The following FGF9 variants were observed in gnomAD, a reference collection of about 807,000 sequenced individuals.
FGF9 encodes the protein fibroblast growth factor 9 (glia-activating factor).
A neutral mutation model predicts 19.9 loss-of-function variants in FGF9; 3 were observed. The observed-to-expected ratio is 0.15, with a 90% confidence interval of 0.07 to 0.39. FGF9 has a LOEUF of 0.39. FGF9 is among the 10% of genes least tolerant of loss of function. FGF9 has a pLI of 1.00. For synonymous variants in FGF9, 107 were observed against 106.9 expected, an observed-to-expected ratio of 1.00 and a Z score of -0.01; for missense variants, 175 against 256.8, an observed-to-expected ratio of 0.68 and a Z score of 2.18.
In FGF9 at chr13:21,673,807, G is replaced by T. The variant is rs912552970; in HGVS notation, c.277+1618G>T. 5.3e-5 allele frequency among the ~76,000 whole-genome samples: 8 copies of T among 151,030 alleles called. No homozygotes were observed. The East Asian group carries it at 9.8e-4, about 18-fold the overall frequency. The stretch of plus-strand genomic sequence containing the variant: ...GGCGGCCGGCCTAGGTGTGCCAGGC[G>T]GCCGGAGCTCCAGCCCTCCCGCGCT... On this transcript the variant is annotated intron_variant, in intron 1 of 2. Transcript: ENST00000382353.
At chr13:21,698,901 T>A (rs1872477317) in intron 2 of FGF9, among the ~76,000 whole-genome samples, 1 of 152,168 alleles carries the variant, frequency 6.6e-6, no homozygotes, top group South Asian at 2.1e-4. Context: ...GATAAAAAAA[T>A]GCACATATTT....
intron 2 of FGF9, among the ~76,000 whole-genome samples, chr13:21,692,778 T>G (rs1168355114): frequency 1.3e-5 from 2 of 152,178 alleles, no homozygotes. Flanking sequence ...TTAAGACCCA[T>G]GACACAGCCT....
At position 21,689,734 on chromosome 13, in the gene FGF9, C is replaced by A. The variant is rs17070394; in HGVS notation, c.381+8589C>A. On this transcript the variant is annotated intron_variant, in intron 2 of 2. Transcript: ENST00000382353. ...CTGAGCAGTCTGTGTGAGGGTCTTTCTTGTCTGTGGCTTCCTGACAGTGCT... is the reference window on the plus strand; with the variant it reads ...CTGAGCAGTCTGTGTGAGGGTCTTTATTGTCTGTGGCTTCCTGACAGTGCT... 1.1e-3 allele frequency among the ~76,000 whole-genome samples: 164 copies of A among 152,318 alleles called. 1 individual carries two copies. Among genetic ancestry groups the A allele is most frequent in the African/African-American group, 3.7e-3 (154 of 41,564 alleles).
chr13:21,681,042 G>A lies in FGF9; in HGVS notation c.278G>A (p.Gly93Asp). ...TCTGCCTTCTACCCTTTGTCTACAG[G>A]CATTCTGGAATTTATCAGTATAGCA... ...QGTRKDHSRFGILEFISIAVG... is the reference protein window; with the variant it reads ...QGTRKDHSRFDILEFISIAVG... Residue 93 changes from glycine (G) to aspartate (D), a missense_variant and splice_region_variant, in exon 2 of 3, where the codon GGC becomes GAC. By Grantham distance (94) the Gly-to-Asp change is moderately conservative. This residue lies in a region of FGF9 where 101 missense variants were observed against 160.7 expected (regional missense o/e 0.63). Transcript: ENST00000382353. 1 of 1,611,058 alleles carries A rather than the reference G, an allele frequency of 6.2e-7. No homozygotes were observed. The highest frequency in any genetic ancestry group is 8.5e-7 in the Non-Finnish European group (1 of 1,177,344).
Position 21,671,096 on chromosome 13 carries a change from C to A in FGF9, c.-817C>A, listed in dbSNP as rs1458641806. Among the ~76,000 whole-genome samples the A allele has an allele frequency of 6.6e-6, 1 of 152,142 alleles. No individual in the cohort carries two copies. ...GCGCCACTCTGCGCGCCGGCGGGGGCTGCGCAGGAGGAGCGCTCCGCCCGG... is the reference window on the plus strand; with the variant it reads ...GCGCCACTCTGCGCGCCGGCGGGGGATGCGCAGGAGGAGCGCTCCGCCCGG... On this transcript the variant is annotated 5_prime_UTR_variant, in exon 1 of 3. In the 5' UTR this introduces an upstream ATG that the reference lacks. Coordinates refer to ENST00000382353, the MANE Select transcript of FGF9 (RefSeq NM_002010.3).
intron 2 of FGF9, among the ~76,000 whole-genome samples, chr13:21,686,754 T>A (rs1460144282): frequency 6.6e-6 from 1 of 152,224 alleles, no homozygotes; most frequent in Non-Finnish European, 1.5e-5. Flanking sequence ...GACCCAATTA[T>A]TCACTCCGTC....
At chr13:21,688,752 ATTT>A (rs56274891) in intron 2 of FGF9, among the ~76,000 whole-genome samples, 2 of 139,988 alleles carry the variant, frequency 1.4e-5, no homozygotes, top group African/African-American at 5.3e-5. Flanking sequence ...ATTTTGGAGG[ATTT>A]TTTTTTTTTT....
chr13:21,688,133 C>G (rs139828565), intron 2 of FGF9, among the ~76,000 whole-genome samples: 20 of 152,310 alleles, frequency 1.3e-4, no homozygotes, highest in African/African-American at 4.6e-4. Flanking sequence ...CACTTTTGAA[C>G]AAGGAGAATG....
At chr13:21,675,862 G>A (rs1235160717) in intron 1 of FGF9, among the ~76,000 whole-genome samples, 1 of 152,038 alleles carries the variant, frequency 6.6e-6, no homozygotes, top group African/African-American at 2.4e-5. Context: ...TGGGGGTGGG[G>A]GAGTCTTACT....
At chr13:21,695,270 A>G (rs1872381948) in intron 2 of FGF9, among the ~76,000 whole-genome samples, 1 of 152,158 alleles carries the variant, frequency 6.6e-6, no homozygotes, top group South Asian at 2.1e-4. Flanking sequence ...AGTTTCCTAT[A>G]TACTTTGATG....
At chr13:21,689,410 G>C (rs989132078) in intron 2 of FGF9, among the ~76,000 whole-genome samples, 1 of 151,792 alleles carries the variant, frequency 6.6e-6, no homozygotes, top group Admixed American at 6.6e-5. Context: ...AATGAATGTT[G>C]AACGAATGAA....
At chr13:21,681,203 C>A in intron 2 of FGF9, 58 bp downstream of exon 2, 1 of 1,266,004 alleles carries the variant, frequency 7.9e-7, no homozygotes, top group Non-Finnish European at 1.2e-6. Flanking sequence ...GAACAGCTGT[C>A]TTTTCTCTGG....
At chr13:21,695,083 C>CGTGTGT (rs59076902) in intron 2 of FGF9, among the ~76,000 whole-genome samples, 221 of 137,232 alleles carry the variant, frequency 1.6e-3, no homozygotes, top group East Asian at 9.6e-3. Context: ...TGTGTGTGTG[C>CGTGTGT]GTGTGTGTGT....
At chr13:21,683,236 G>T (rs1872084025) in intron 2 of FGF9, among the ~76,000 whole-genome samples, 1 of 152,208 alleles carries the variant, frequency 6.6e-6, no homozygotes, top group Non-Finnish European at 1.5e-5. Context: ...TGGTAGGATT[G>T]TTGCCCAGGC....
At chr13:21,683,217 C>A (rs1385435638) in intron 2 of FGF9, among the ~76,000 whole-genome samples, 1 of 152,196 alleles carries the variant, frequency 6.6e-6, no homozygotes, top group African/African-American at 2.4e-5. Flanking sequence ...TTGTGTTCAG[C>A]AAAGCTGCTG....
chr13:21,679,817 G>A (rs1447862287), intron 1 of FGF9, among the ~76,000 whole-genome samples: 1 of 151,400 alleles, frequency 6.6e-6, no homozygotes, highest in African/African-American at 2.4e-5. Flanking sequence ...AGCCCAGCGT[G>A]GTGGCTGTCC....
At chr13:21,675,900 A>G (rs1213546739) in intron 1 of FGF9, among the ~76,000 whole-genome samples, 3 of 148,704 alleles carry the variant, frequency 2.0e-5, no homozygotes, top group African/African-American at 7.4e-5. Context: ...AGAGGTGACA[A>G]CTTAGGTGGG....
intron 2 of FGF9, among the ~76,000 whole-genome samples, chr13:21,697,808 C>CTT (rs1270795107): frequency 7.0e-4 from 96 of 138,122 alleles, no homozygotes; most frequent in Middle Eastern, 3.8e-3. Flanking sequence ...ACATAGGACT[C>CTT]TTTTTTTTTT....
At chr13:21,689,653 A>T (rs771248118) in intron 2 of FGF9, among the ~76,000 whole-genome samples, 1 of 152,190 alleles carries the variant, frequency 6.6e-6, no homozygotes, top group Non-Finnish European at 1.5e-5. Flanking sequence ...GATTGAAAGA[A>T]TGCATTATGA....
Sources: gnomAD v4.1 joint callset for allele counts (sites outside exome capture counted in the v4.1 genomes callset) on GRCh38, gnomAD v4.1.1 for gene constraint, gnomAD v4.1.1 regional missense constraint, MANE v1.5 for transcripts, NCBI Gene and HGNC (gene_info 2026-07-23, HGNC 2026-07-21) for gene names.